Variants in KLRG1 observed in about 807,000 individuals in gnomAD.
KLRG1 encodes the protein killer cell lectin-like receptor subfamily G member 1.
Under a neutral mutation model 21.8 loss-of-function variants are expected in KLRG1, and 16 were observed. That is an observed-to-expected ratio of 0.73 (90% CI 0.50 to 1.11). The LOEUF is 1.11. KLRG1 is among the 50% of genes most tolerant of loss of function. The pLI is 0.00. For synonymous variants in KLRG1, 69 were observed against 75.9 expected (o/e 0.91, Z 0.47); for missense variants, 173 against 218.3 (o/e 0.79, Z 1.31).
At chr12:9,139,637 TG>T in the KLRG1 span, among the ~76,000 whole-genome samples, 9 of 152,336 alleles carry the variant, frequency 5.9e-5, no homozygotes, top group Admixed American at 5.9e-4. Flanking sequence ...TAATTGTAAT[TG>T]TTATATATTC....
the KLRG1 span, chr12:9,067,460 C>T: frequency 1.0e-5 from 3 of 289,020 alleles, no homozygotes; most frequent in Non-Finnish European, 2.0e-5. Context: ...AAAAATTCAC[C>T]CTTTGGGTTT....
the KLRG1 span, chr12:9,074,505 ATT>A: frequency 3.5e-5 from 53 of 1,497,504 alleles, no homozygotes; most frequent in Non-Finnish European, 4.3e-5. Flanking sequence ...TTTCTTTTTC[ATT>A]CAAATCTTTT....
the KLRG1 span, chr12:9,072,713 C>A: frequency 6.2e-7 from 1 of 1,614,172 alleles, no homozygotes; most frequent in Non-Finnish European, 8.5e-7. Context: ...GCAGCTCTGG[C>A]AATGAGACCT....
chr12:9,211,254 G>A, the KLRG1 span, among the ~76,000 whole-genome samples: 1 of 151,822 alleles, frequency 6.6e-6, no homozygotes, highest in East Asian at 1.9e-4. Context: ...CATGCTTGAT[G>A]GTATTCCATA....
chr12:9,107,079 C>T, the KLRG1 span, among the ~76,000 whole-genome samples: 1 of 152,126 alleles, frequency 6.6e-6, no homozygotes, highest in Non-Finnish European at 1.5e-5. Flanking sequence ...CATTAGAACT[C>T]CTCATCAAAG....
At chr12:9,065,242 A>G in the KLRG1 span, 1 of 145,566 alleles carries the variant, frequency 6.9e-6, no homozygotes, top group Non-Finnish European at 1.5e-5. Context: ...AGCCAGGGAC[A>G]AGCAGGAGCC....
upstream of KLRG1, among the ~76,000 whole-genome samples, chr12:8,986,398 T>C (rs1946842597): frequency 6.6e-6 from 1 of 152,156 alleles, no homozygotes; most frequent in African/African-American, 2.4e-5. Flanking sequence ...CATATATTAT[T>C]TGGTATTTTC....
At chr12:9,027,001 G>A in the KLRG1 span, among the ~76,000 whole-genome samples, 1 of 151,346 alleles carries the variant, frequency 6.6e-6, no homozygotes, top group African/African-American at 2.4e-5. Flanking sequence ...GACCACAGGT[G>A]TGCATCACTG....
chr12:9,013,038 A>G (rs1240132576), downstream of KLRG1, among the ~76,000 whole-genome samples: 1 of 152,182 alleles, frequency 6.6e-6, no homozygotes, highest in Non-Finnish European at 1.5e-5. Flanking sequence ...GGGAAAAGTA[A>G]CAGAAGATAA....
Position 9,009,395 on chromosome 12 carries a change from T to G in KLRG1, c.459-31T>G, listed in dbSNP as rs748402628. 4 of 1,612,918 alleles carry G rather than the reference T, an allele frequency of 2.5e-6. No individual in the cohort carries two copies. In the South Asian group the frequency reaches 4.4e-5, roughly 18 times the overall value. On this transcript the variant is annotated intron_variant, in intron 4 of 4. Coordinates refer to ENST00000356986, the MANE Select transcript of KLRG1 (RefSeq NM_005810.4). ...CAACTCCTTTTCTGTGCATGCGGCC[T>G]TAAGTGATTGACTTTTCTGATTTCT... is the stretch of plus-strand genomic sequence containing the variant.
the KLRG1 span, among the ~76,000 whole-genome samples, chr12:9,170,366 C>T: frequency 6.6e-6 from 1 of 152,166 alleles, no homozygotes; most frequent in Non-Finnish European, 1.5e-5. This position sits in a 1 kb window ranked among gnomAD's most constrained non-coding sequence, Gnocchi z 4.6. Context: ...GGCAGAGCAG[C>T]TGCTCAGGCA....
At chr12:9,091,055 T>G in the KLRG1 span, 6 of 1,052,526 alleles carry the variant, frequency 5.7e-6, no homozygotes, top group Non-Finnish European at 8.1e-6. Context: ...AATTTGGTAT[T>G]TGGAGATCTC....
the KLRG1 span, chr12:9,180,848 T>A: frequency 0.023 from 18,725 of 830,346 alleles, 276 homozygotes; most frequent in Non-Finnish European, 0.028. Flanking sequence ...GAAACTACCA[T>A]CAGAGTGAAC....
At chr12:9,193,963 A>G in the KLRG1 span, 3 of 1,067,806 alleles carry the variant, frequency 2.8e-6, no homozygotes, top group Non-Finnish European at 2.6e-6. Flanking sequence ...TGTAAACTCA[A>G]AGTTAGATAT....
At chr12:8,985,354 CAGA>C (rs1946826492), upstream of KLRG1, among the ~76,000 whole-genome samples, 1 of 152,166 alleles carries the variant, frequency 6.6e-6, no homozygotes, top group South Asian at 2.1e-4. Flanking sequence ...ATTATCAACA[CAGA>C]AGAAGACTTG....
the KLRG1 span, chr12:9,110,458 G>A: frequency 7.6e-6 from 4 of 527,596 alleles, no homozygotes; most frequent in Non-Finnish European, 9.6e-6. Flanking sequence ...TAATTTAATT[G>A]TACATTTAAA....
chr12:9,080,025 T>C, the KLRG1 span: 1 of 1,087,332 alleles, frequency 9.2e-7, no homozygotes, highest in Admixed American at 3.0e-5. Context: ...TTAGTAAATA[T>C]TTATGGGAAA....
At chr12:9,016,204 C>T in the KLRG1 span, among the ~76,000 whole-genome samples, 2 of 151,638 alleles carry the variant, frequency 1.3e-5, no homozygotes, top group Non-Finnish European at 2.9e-5. Context: ...TACAAAAGGT[C>T]AATGAAACCA....
chr12:9,112,851 T>C, the KLRG1 span, among the ~76,000 whole-genome samples: 2 of 152,196 alleles, frequency 1.3e-5, no homozygotes, highest in Non-Finnish European at 2.9e-5. Flanking sequence ...TAAAAGGGCA[T>C]GGTCGAAGCA....
Sources: allele counts gnomAD v4.1 joint callset (sites outside exome capture counted in the v4.1 genomes callset), GRCh38; gene constraint gnomAD v4.1.1; non-coding constraint Gnocchi (gnomAD v3.1); transcripts MANE v1.5; gene names NCBI Gene and HGNC (gene_info 2026-07-23, HGNC 2026-07-21).